SCUBE3: variants seen among roughly 807,000 people sequenced by gnomAD.
SCUBE3 encodes signal peptide, CUB and EGF-like domain-containing protein 3.
A neutral mutation model predicts 116.8 loss-of-function variants in SCUBE3; 33 were observed. That is an observed-to-expected ratio of 0.28 (90% CI 0.21 to 0.38). The LOEUF (loss-of-function observed/expected upper bound fraction) is 0.38, where lower values mean the gene tolerates loss of function less well. SCUBE3 is among the 10% of genes least tolerant of loss of function. The pLI, the probability that SCUBE3 is intolerant of heterozygous loss-of-function variation, is 1.00. For synonymous variants in SCUBE3, 418 were observed against 496.9 expected (o/e 0.84, Z 2.11); for missense variants, 1,007 against 1,324.8 (o/e 0.76, Z 3.72).
At position 35,235,591 on chromosome 6, in the gene SCUBE3, C is replaced by A; in HGVS notation, c.712+2290C>A. 1.7e-6 allele frequency: 1 copy of A among 598,470 alleles called. No individual in the cohort carries two copies. The highest frequency in any genetic ancestry group is 2.7e-6 in the Non-Finnish European group (1 of 367,844). 37.1% of individuals were successfully genotyped at this position (598,470 alleles called of 1,614,324 possible). A position where few individuals can be genotyped will look rare whatever the true frequency, so the allele number is the denominator to read the frequency against. On this transcript the variant is annotated intron_variant, in intron 6 of 21. Coordinates refer to ENST00000274938, the MANE Select transcript of SCUBE3 (RefSeq NM_152753.4). This position sits in a 1 kb window ranked among gnomAD's most constrained non-coding sequence, Gnocchi z 4.5. Reference sequence around the variant, plus strand: ...CTAACTGCATGCCCACTGGGCCCAGCCTGACTGGGCCCCAACTTGCCAGCA... The same window carrying A: ...CTAACTGCATGCCCACTGGGCCCAGACTGACTGGGCCCCAACTTGCCAGCA...
In SCUBE3 at chr6:35,243,645, C is replaced by T. The variant is rs1237540784; in HGVS notation, c.1961C>T (p.Pro654Leu). Residue 654 changes from proline to leucine, a missense_variant, in exon 16 of 22, where the codon CCA becomes CTA. Around this residue, in one of 5 missense-constraint regions of SCUBE3, gnomAD observed 544 missense variants for 638.9 expected, o/e 0.85. Transcript: ENST00000274938. This position sits in a 1 kb window ranked among gnomAD's most constrained non-coding sequence, Gnocchi z 6.6. ...YYHGQTEQCV[P>L]CPAGTFQERE... ...CACGGCCAGACGGAGCAGTGTGTGC[C>T]ATGCCCAGCGGGCACCTTCCAGGAG... 6.2e-7 allele frequency: 1 copy of T among 1,614,116 alleles called. No individual in the cohort carries two copies. The highest frequency in any genetic ancestry group is 1.7e-5 in the Admixed American group (1 of 60,026).
Position 35,241,720 on chromosome 6 carries a change from A to G in SCUBE3, c.1312+61A>G. The G allele has an allele frequency of 6.7e-7, 1 of 1,502,054 alleles. No homozygotes were observed. 93.0% of individuals were successfully genotyped at this position (1,502,054 alleles called of 1,614,324 possible). On this transcript the variant is annotated intron_variant, in intron 11 of 21. Transcript: ENST00000274938. This position sits in a 1 kb window ranked among gnomAD's most constrained non-coding sequence, Gnocchi z 4.1. ...AGAAAAGAGGAAGGACTGGCCGTTC[A>G]GGCAGCTCCTTCATTCCCCCTGGAT...
chr6:35,214,539 C>T lies in SCUBE3; in HGVS notation c.85+36C>T. On this transcript the variant is annotated intron_variant, in intron 1 of 21. Coordinates refer to ENST00000274938, the MANE Select transcript of SCUBE3 (RefSeq NM_152753.4). This position sits in a 1 kb window ranked among gnomAD's most constrained non-coding sequence, Gnocchi z 6.3. ...AGGGGCGCGCGGCCTGGGGGCTGTC[C>T]TGGCTGCTGGGCCTCAGGGCCTAGG... 3 of 1,351,324 alleles carry T rather than the reference C, an allele frequency of 2.2e-6. No individual in the cohort carries two copies. Among genetic ancestry groups the T allele is most frequent in the Non-Finnish European group, 2.9e-6 (3 of 1,018,728 alleles). The allele number at this position is 1,351,324 out of a possible 1,614,324, so 83.7% of individuals were successfully genotyped here.
At position 35,243,723 on chromosome 6, in the gene SCUBE3, C is replaced by T. The variant is rs1170487268; in HGVS notation, c.2039C>T (p.Pro680Leu). Residue 680 changes from proline (P) to leucine (L), a missense_variant, in exon 16 of 22, where the codon CCT becomes CTT. Physicochemically the swap from Pro to Leu is moderately conservative, Grantham distance 98 (BLOSUM62 -3). Coordinates refer to ENST00000274938, the MANE Select transcript of SCUBE3 (RefSeq NM_152753.4). The surrounding 1 kb of genome is among the most constrained non-coding windows in gnomAD (Gnocchi z 6.6). ...TGCCCTGGGAGTGATGCCCACGGGC[C>T]TCTTGGAGCCACCAACGTCACCACG... ...DLCPGSDAHG[P>L]LGATNVTTCA... is the part of the protein sequence containing the mutation. 6.2e-7 allele frequency: 1 copy of T among 1,614,096 alleles called. No homozygotes were observed. The highest frequency in any genetic ancestry group is 8.5e-7 in the Non-Finnish European group (1 of 1,179,988).
chr6:35,243,931 C>A lies in SCUBE3; in HGVS notation c.2072-32C>A. 1 of 1,606,214 alleles carries A rather than the reference C, an allele frequency of 6.2e-7. No individual in the cohort carries two copies. The highest frequency in any genetic ancestry group is 8.5e-7 in the Non-Finnish European group (1 of 1,174,936). On this transcript the variant is annotated intron_variant, in intron 16 of 21. Transcript: ENST00000274938. The surrounding 1 kb of genome is among the most constrained non-coding windows in gnomAD (Gnocchi z 6.6). ...CCCATGGGGATGACTCAGGACCATCCCCATCAGAGTTGGGCCCTTGATTCA... is the reference window on the plus strand; with the variant it reads ...CCCATGGGGATGACTCAGGACCATCACCATCAGAGTTGGGCCCTTGATTCA...
rs1331692927 is a variant in SCUBE3 at position 35,231,784 on chromosome 6, G to A, written c.394G>A (p.Gly132Ser). The change falls in exon 4 of 22, where the codon GGC (glycine) becomes AGC (serine). Residue 132 changes from glycine (G) to serine (S), a missense_variant. Around this residue, in one of 5 missense-constraint regions of SCUBE3, gnomAD observed 214 missense variants for 316.7 expected, o/e 0.68. Transcript: ENST00000274938. This position sits in a 1 kb window ranked among gnomAD's most constrained non-coding sequence, Gnocchi z 4.2. ...TCAGCAGAGCTGTGTCAACATGATG[G>A]GCAGCTATGAGTGCCACTGCCGGGA... ...GCQQSCVNMM[G>S]SYECHCREGF... 1 of 1,613,624 alleles carries A rather than the reference G, an allele frequency of 6.2e-7. No homozygotes were observed. The highest frequency in any genetic ancestry group is 2.2e-5 in the East Asian group (1 of 44,860).
chr6:35,251,154 T>C lies in SCUBE3; in HGVS notation c.*2449T>C, dbSNP rs56037920. 2,058 of 136,536 alleles carry C rather than the reference T, an allele frequency of 0.015. 32 individuals are homozygous for C. The highest frequency in any genetic ancestry group is 0.05 in the African/African-American group (1,788 of 35,836). The allele number at this position is 136,536 out of a possible 1,614,324, so 8.5% of individuals were successfully genotyped here. On this transcript the variant is annotated 3_prime_UTR_variant, in exon 22 of 22. Transcript: ENST00000274938. ...GATAACTTTCTTTCTTTCTTTCTTTTTTTTTTTTTTTTTTTTTGAGATGGA... is the reference window on the plus strand; with the variant it reads ...GATAACTTTCTTTCTTTCTTTCTTTCTTTTTTTTTTTTTTTTTGAGATGGA...
rs1784544506 is a variant in SCUBE3 at position 35,251,211 on chromosome 6, T to C, written c.*2506T>C. 6.8e-6 allele frequency: 1 copy of C among 147,252 alleles called. No individual in the cohort carries two copies. The highest frequency in any genetic ancestry group is 1.5e-5 in the Non-Finnish European group (1 of 67,230). The allele number at this position is 147,252 out of a possible 1,614,324, so 9.1% of individuals were successfully genotyped here. On this transcript the variant is annotated 3_prime_UTR_variant, in exon 22 of 22. Transcript: ENST00000274938. ...CTCTGTCACCCAGGCTGGAGTGTAA[T>C]GGTGCTATCTCGGCCTACTGCAACC...
At chr6:35,218,254 C>T in intron 1 of SCUBE3, 1 of 501,578 alleles carries the variant, frequency 2.0e-6, no homozygotes, top group Non-Finnish European at 2.6e-6. Context: ...GTGTGCATGA[C>T]TCAGGGTGTG....
At chr6:35,230,724 G>T (rs1783512834) in intron 3 of SCUBE3, among the ~76,000 whole-genome samples, 1 of 152,212 alleles carries the variant, frequency 6.6e-6, no homozygotes, top group Non-Finnish European at 1.5e-5. Context: ...GCTGGATCTG[G>T]GCCTCTCTGC....
intron 1 of SCUBE3, among the ~76,000 whole-genome samples, chr6:35,216,004 G>C (rs965922488): frequency 1.3e-5 from 2 of 152,226 alleles, no homozygotes; most frequent in Non-Finnish European, 2.9e-5. Context: ...GGAATTAGGT[G>C]GGGAGTTTAG....
chr6:35,216,486 G>C (rs1782899008), intron 1 of SCUBE3, among the ~76,000 whole-genome samples: 1 of 152,164 alleles, frequency 6.6e-6, no homozygotes, highest in Non-Finnish European at 1.5e-5. Context: ...CTTCTCTTCA[G>C]GAAATCTACA....
chr6:35,241,803 CAG>C lies in SCUBE3; in HGVS notation c.1313_1314del. 6.2e-7 allele frequency: 1 copy of C among 1,611,574 alleles called. No homozygotes were observed. Among genetic ancestry groups the C allele is most frequent in the East Asian group, 2.2e-5 (1 of 44,864 alleles). On this transcript the variant is annotated splice_acceptor_variant, in intron 11 of 21. Coordinates refer to ENST00000274938, the MANE Select transcript of SCUBE3 (RefSeq NM_152753.4). LOFTEE classifies it high-confidence loss of function. This position sits in a 1 kb window ranked among gnomAD's most constrained non-coding sequence, Gnocchi z 4.1. ...CAGAACTGTGACAGGCTCCTTTTCT[CAG>C]AGTCTGAGAATGGCTTCACGGTGAG...
In SCUBE3 at chr6:35,243,517, G is replaced by A; in HGVS notation, c.1910-77G>A. ...TCCCTGAATCGGGGGTTGTGGCGGG[G>A]AGTGGGAAGGGGAGTCCCAGGCCTG... On this transcript the variant is annotated intron_variant, in intron 15 of 21. Transcript: ENST00000274938. The surrounding 1 kb of genome is among the most constrained non-coding windows in gnomAD (Gnocchi z 6.6). 7.6e-7 allele frequency: 1 copy of A among 1,322,888 alleles called. No individual in the cohort carries two copies. The highest frequency in any genetic ancestry group is 1.0e-6 in the Non-Finnish European group (1 of 964,752). 81.9% of individuals were successfully genotyped at this position (1,322,888 alleles called of 1,614,324 possible).
rs1445382392 is a variant in SCUBE3, at chr6:35,244,108, C to T, written c.2217C>T (p.Ser739=). Residue 739 remains serine, a synonymous_variant, in exon 17 of 22, where the codon TCC becomes TCT. Transcript: ENST00000274938. The surrounding 1 kb of genome is among the most constrained non-coding windows in gnomAD (Gnocchi z 4.3). The part of the protein sequence containing the change: ...GLTTKHEGAI[S]FQDCDTKVQC... ...CCACCAAGCATGAAGGGGCCATTTCCTTCCAAGACTGTGACACCAAAGGTG... is the reference window on the plus strand; with the variant it reads ...CCACCAAGCATGAAGGGGCCATTTCTTTCCAAGACTGTGACACCAAAGGTG... 2 of 1,613,926 alleles carry T rather than the reference C, an allele frequency of 1.2e-6. No homozygotes were observed. The highest frequency in any genetic ancestry group is 1.1e-5 in the South Asian group (1 of 91,030).
rs141278641 is a variant in SCUBE3 at position 35,228,627 on chromosome 6, C to T, written c.222C>T (p.Cys74=). Reference sequence around the variant, plus strand: ...CTTTGCCCACAGACGTGGATGAGTGCGAGCGAGAGGATAATGCAGGTTGTG... The same window carrying T: ...CTTTGCCCACAGACGTGGATGAGTGTGAGCGAGAGGATAATGCAGGTTGTG... ...DGKHCKDVDE[C]EREDNAGCVH... Residue 74 remains cysteine, a synonymous_variant, in exon 3 of 22, where the codon TGC becomes TGT. Coordinates refer to ENST00000274938, the MANE Select transcript of SCUBE3 (RefSeq NM_152753.4). This position sits in a 1 kb window ranked among gnomAD's most constrained non-coding sequence, Gnocchi z 4.9. The T allele has an allele frequency of 7.4e-6, 12 of 1,613,692 alleles. No individual in the cohort carries two copies. The highest frequency in any genetic ancestry group is 2.2e-5 in the East Asian group (1 of 44,888).
At chr6:35,248,521 G>A (rs1193225852) in intron 21 of SCUBE3, 35 bp from the exon 22 acceptor site, 2 of 1,611,754 alleles carry the variant, frequency 1.2e-6, no homozygotes, top group Admixed American at 1.7e-5. Flanking sequence ...ACCCCCGACG[G>A]TGAGGCTGAC....
chr6:35,235,507 C>T lies in SCUBE3; in HGVS notation c.712+2206C>T, dbSNP rs1317803237. 1.6e-6 allele frequency: 2 copies of T among 1,270,262 alleles called. No individual in the cohort carries two copies. Among genetic ancestry groups the T allele is most frequent in the Admixed American group, 2.3e-5 (1 of 43,534 alleles). 78.7% of individuals were successfully genotyped at this position (1,270,262 alleles called of 1,614,324 possible). On this transcript the variant is annotated intron_variant, in intron 6 of 21. Transcript: ENST00000274938. This position sits in a 1 kb window ranked among gnomAD's most constrained non-coding sequence, Gnocchi z 4.5. ...CCGTTTCTAATGGTAAATATGTCTG[C>T]TCTCTCCGCTTGCTCTCACTGGCTT...
intron 1 of SCUBE3, chr6:35,221,585 G>C (rs980158554): frequency 2.0e-5 from 3 of 152,190 alleles, no homozygotes; most frequent in Non-Finnish European, 4.4e-5. Context: ...ATTCATCTCT[G>C]GTTCACTGCC....
Sources: gnomAD v4.1 joint callset for allele counts (sites outside exome capture counted in the v4.1 genomes callset) on GRCh38, gnomAD v4.1.1 for gene constraint, gnomAD v4.1.1 regional missense constraint, Gnocchi (gnomAD v3.1) non-coding constraint, MANE v1.5 for transcripts, NCBI Gene and HGNC (gene_info 2026-07-23, HGNC 2026-07-21) for gene names.